The following AGTRAP variants were observed in gnomAD, a reference collection of about 807,000 sequenced individuals.
AGTRAP encodes type-1 angiotensin II receptor-associated protein.
A neutral mutation model predicts 15.2 loss-of-function variants in AGTRAP; 7 were observed. The observed-to-expected ratio is 0.46, with a 90% CI of 0.26 to 0.87. The LOEUF is 0.87. Among genes scored for constraint, AGTRAP ranks in the 40% least tolerant of loss-of-function variants. AGTRAP has a pLI of 0.15. For synonymous variants in AGTRAP, 74 were observed against 89.6 expected (o/e 0.83, Z 0.98); for missense variants, 187 against 213.4 (o/e 0.88, Z 0.77).
At chr1:11,749,683 C>A (rs1164313657) in intron 4 of AGTRAP, among the ~76,000 whole-genome samples, 1 of 152,144 alleles carries the variant, frequency 6.6e-6, no homozygotes, top group Non-Finnish European at 1.5e-5. Context: ...GGCTGATGTC[C>A]CTCTGCCCAG....
Position 11,740,218 on chromosome 1 carries a change from G to A in AGTRAP, c.27+3983G>A, listed in dbSNP as rs563245327. 2.5e-4 allele frequency among the ~76,000 whole-genome samples: 38 copies of A among 152,364 alleles called. 1 individual carries two copies. In the South Asian group the frequency reaches 7.5e-3, roughly 30 times the overall value. Reference sequence around the variant, plus strand: ...GAAGCTCCCCCAGGGCCAAAAGACAGTGGTTTTGTCCTGACAGTTACTGGC... The same window carrying A: ...GAAGCTCCCCCAGGGCCAAAAGACAATGGTTTTGTCCTGACAGTTACTGGC... On this transcript the variant is annotated intron_variant, in intron 1 of 4. Coordinates refer to ENST00000314340, the MANE Select transcript of AGTRAP (RefSeq NM_020350.5).
At chr1:11,746,222 C>A in intron 2 of AGTRAP, 1 of 1,605,010 alleles carries the variant, frequency 6.2e-7, no homozygotes, top group South Asian at 1.1e-5. Flanking sequence ...AGGGCAACAG[C>A]TGTGAGTAAT....
chr1:11,747,328 G>A, intron 2 of AGTRAP, 112 bp from the exon 3 acceptor site: 1 of 950,308 alleles, frequency 1.1e-6, no homozygotes, highest in South Asian at 1.4e-5. Flanking sequence ...CAGCCGGGTG[G>A]CCTCGAAGAC....
chr1:11,743,420 CT>C (rs1455050747), intron 1 of AGTRAP, among the ~76,000 whole-genome samples: 1 of 147,990 alleles, frequency 6.8e-6, no homozygotes, highest in Non-Finnish European at 1.5e-5. Flanking sequence ...TAATTTTTGT[CT>C]TTTTAGTAGA....
chr1:11,747,015 G>T (rs1642180892), intron 2 of AGTRAP, among the ~76,000 whole-genome samples: 1 of 152,226 alleles, frequency 6.6e-6, no homozygotes, highest in Admixed American at 6.5e-5. Flanking sequence ...GCACAGGGCA[G>T]TGGCTGGGAG....
intron 1 of AGTRAP, among the ~76,000 whole-genome samples, chr1:11,737,879 C>T (rs1006105212): frequency 2.0e-5 from 3 of 152,104 alleles, no homozygotes; most frequent in African/African-American, 4.8e-5. Context: ...GGGTGTTAGC[C>T]GCTACCAGTC....
chr1:11,738,178 TG>T (rs1641945115), intron 1 of AGTRAP, among the ~76,000 whole-genome samples: 1 of 152,012 alleles, frequency 6.6e-6, no homozygotes, highest in Non-Finnish European at 1.5e-5. Context: ...CTTCAGGAGG[TG>T]GGGAACTGCT....
intron 1 of AGTRAP, among the ~76,000 whole-genome samples, chr1:11,741,247 CCCCAA>C (rs1410644952): frequency 6.6e-6 from 1 of 152,096 alleles, no homozygotes; most frequent in African/African-American, 2.4e-5. Context: ...CCCCTGACCA[CCCCAA>C]CCCTCCCAGC....
chr1:11,747,170 G>C (rs1642183603), intron 2 of AGTRAP, among the ~76,000 whole-genome samples: 1 of 152,204 alleles, frequency 6.6e-6, no homozygotes, highest in Admixed American at 6.5e-5. Context: ...ACCGGTTGCT[G>C]TTTAGAGAAC....
intron 1 of AGTRAP, among the ~76,000 whole-genome samples, chr1:11,737,812 C>A (rs1047536392): frequency 6.6e-6 from 1 of 151,964 alleles, no homozygotes; most frequent in Non-Finnish European, 1.5e-5. Flanking sequence ...CTTTCGGTAC[C>A]CAGGATGAAA....
rs949879159 is a variant in AGTRAP at position 11,745,785 on chromosome 1, C to A, written c.28-18C>A. The A allele has an allele frequency of 3.7e-6, 6 of 1,614,102 alleles. No homozygotes were observed. The highest frequency in any genetic ancestry group is 5.1e-6 in the Non-Finnish European group (6 of 1,179,972). ...GTCATGTTCACAGACCTCTTCTCTC[C>A]CCCTTGTTGTGCCACAGGTGATTCT... On this transcript the variant is annotated intron_variant, in intron 1 of 4. Transcript: ENST00000314340. The surrounding 1 kb of genome is among the most constrained non-coding windows in gnomAD (Gnocchi z 4.2).
At chr1:11,742,807 G>A (rs1441939774) in intron 1 of AGTRAP, among the ~76,000 whole-genome samples, 2 of 152,174 alleles carry the variant, frequency 1.3e-5, no homozygotes. Context: ...TGGGATTACA[G>A]GCGTGAGCCA....
At chr1:11,748,728 A>G (rs1179985257) in intron 4 of AGTRAP, 118 bp downstream of exon 4, 1 of 1,229,186 alleles carries the variant, frequency 8.1e-7, no homozygotes, top group Non-Finnish European at 1.1e-6. Context: ...AGGTGCAGGG[A>G]GAGCGTGGCA....
At chr1:11,748,314 G>A in intron 3 of AGTRAP, 101 bp from the exon 4 acceptor site, 1 of 1,331,932 alleles carries the variant, frequency 7.5e-7, no homozygotes, top group Admixed American at 1.9e-5. Flanking sequence ...CAAGCCCCAA[G>A]GACACAGCAG....
chr1:11,743,730 C>G (rs1642092535), intron 1 of AGTRAP, among the ~76,000 whole-genome samples: 1 of 151,942 alleles, frequency 6.6e-6, no homozygotes, highest in South Asian at 2.1e-4. Context: ...CCATGCCCGG[C>G]TAATTTTGTA....
intron 4 of AGTRAP, among the ~76,000 whole-genome samples, chr1:11,749,760 G>C (rs1642267749): frequency 1.3e-5 from 2 of 152,192 alleles, no homozygotes; most frequent in African/African-American, 4.8e-5. Flanking sequence ...TTTGGACTCG[G>C]CTGCCTAGGC....
Position 11,750,334 on chromosome 1 carries a change from G to A in AGTRAP, c.*142G>A. ...GGGATTGCCTGAACCAAGAGGCCAG[G>A]AGCCCCCATGGGCCGCCCAGTACCA... On this transcript the variant is annotated 3_prime_UTR_variant, in exon 5 of 5. Transcript: ENST00000314340. 1 of 810,558 alleles carries A rather than the reference G, an allele frequency of 1.2e-6. No homozygotes were observed. Among genetic ancestry groups the A allele is most frequent in the Non-Finnish European group, 2.1e-6 (1 of 485,908 alleles). 50.2% of individuals were successfully genotyped at this position (810,558 alleles called of 1,614,324 possible). A position where few individuals can be genotyped will look rare whatever the true frequency, so the allele number is the denominator to read the frequency against.
intron 2 of AGTRAP, chr1:11,746,331 G>C: frequency 9.6e-7 from 1 of 1,042,828 alleles, no homozygotes; most frequent in Admixed American, 2.7e-5. Flanking sequence ...GTGATTCTGG[G>C]CTGGGACCCA....
intron 1 of AGTRAP, among the ~76,000 whole-genome samples, chr1:11,741,516 C>T (rs1642030147): frequency 6.6e-6 from 1 of 152,216 alleles, no homozygotes; most frequent in African/African-American, 2.4e-5. Context: ...CACCGTTTAT[C>T]ACTTCAAGCC....
Sources: allele counts gnomAD v4.1 joint callset (sites outside exome capture counted in the v4.1 genomes callset), GRCh38; gene constraint gnomAD v4.1.1; non-coding constraint Gnocchi (gnomAD v3.1); transcripts MANE v1.5; gene names NCBI Gene and HGNC (gene_info 2026-07-23, HGNC 2026-07-21).